Variants in DNM1 observed in about 807,000 individuals in gnomAD.
The protein encoded by DNM1 is dynamin-1.
Under a neutral mutation model 104.6 loss-of-function variants are expected in DNM1, and 29 were observed. The ratio of observed to expected loss-of-function variants is 0.28; its 90% CI spans 0.21 to 0.38. The LOEUF is 0.38. DNM1 is among the 10% of genes least tolerant of loss of function. DNM1 has a pLI of 1.00. For synonymous variants in DNM1, 445 were observed against 475.8 expected, an observed-to-expected ratio of 0.94 and a Z score of 0.84; for missense variants, 640 against 1,189.4, an observed-to-expected ratio of 0.54 and a Z score of 6.79.
chr9:128,226,483 T>C (rs1835349898), intron 10 of DNM1, among the ~76,000 whole-genome samples: 1 of 152,248 alleles, frequency 6.6e-6, no homozygotes, highest in Non-Finnish European at 1.5e-5. Flanking sequence ...TGCTTGCCCT[T>C]ACTATCTGAC....
chr9:128,207,630 A>C (rs1364721646), intron 1 of DNM1, among the ~76,000 whole-genome samples: 1 of 152,146 alleles, frequency 6.6e-6, no homozygotes, highest in Non-Finnish European at 1.5e-5. Context: ...CAACTCTGCC[A>C]CTTACAAGCA....
rs1400639734 is a variant in DNM1, at chr9:128,247,975, A to G, written c.1905+40A>G. ...CTCTTGCCTCCTGCCAGGCATCTGC[A>G]GCCTGGCACCAGCTCCAGCCAGGTT... On this transcript the variant is annotated intron_variant, in intron 18 of 21. Coordinates refer to ENST00000372923, the MANE Select transcript of DNM1 (RefSeq NM_004408.4). This position sits in a 1 kb window ranked among gnomAD's most constrained non-coding sequence, Gnocchi z 5.1. 2 of 1,613,082 alleles carry G rather than the reference A, an allele frequency of 1.2e-6. No individual in the cohort carries two copies. The highest frequency in any genetic ancestry group is 4.5e-5 in the East Asian group (2 of 44,882).
chr9:128,205,766 C>CA (rs895438368), intron 1 of DNM1, among the ~76,000 whole-genome samples: 9 of 152,188 alleles, frequency 5.9e-5, no homozygotes, highest in Admixed American at 1.3e-4. Context: ...CCTGCATGCC[C>CA]AGCCCCTGCC....
rs1829690937 is a variant in DNM1, at chr9:128,253,955, G to A, written c.2535-699G>A. On this transcript the variant is annotated intron_variant, in intron 21 of 21. Coordinates refer to ENST00000372923, the MANE Select transcript of DNM1 (RefSeq NM_004408.4). This position sits in a 1 kb window ranked among gnomAD's most constrained non-coding sequence, Gnocchi z 5.9. ...GGCCCAGCTGAGCTCCGCCCAGTGA[G>A]CCCACCCCCCATTCTCCTGCCACTG... 2 of 1,233,420 alleles carry A rather than the reference G, an allele frequency of 1.6e-6. No homozygotes were observed. The highest frequency in any genetic ancestry group is 3.2e-5 in the East Asian group (1 of 31,700). The allele number at this position is 1,233,420 out of a possible 1,614,324, so 76.4% of individuals were successfully genotyped here.
intron 1 of DNM1, among the ~76,000 whole-genome samples, chr9:128,212,728 C>G (rs1834374152): frequency 6.6e-6 from 1 of 152,180 alleles, no homozygotes; most frequent in Admixed American, 6.5e-5. Context: ...CACAGCCATG[C>G]AAGAATCGAT....
Position 128,226,167 on chromosome 9 carries a change from C to T in DNM1, c.1335+1778C>T, listed in dbSNP as rs565135651. The T allele has an allele frequency of 1.8e-5, 29 of 1,612,842 alleles. No homozygotes were observed. Among genetic ancestry groups the T allele is most frequent in the Middle Eastern group, 1.7e-4 (1 of 6,060 alleles). ...TCACAGCCACCATCAGAAAGTGTAGCGAAAAGGTATGACGGCCGCCTGGGC... is the reference window on the plus strand; with the variant it reads ...TCACAGCCACCATCAGAAAGTGTAGTGAAAAGGTATGACGGCCGCCTGGGC... On this transcript the variant is annotated intron_variant, in intron 10 of 21. Transcript: ENST00000372923.
chr9:128,213,950 G>A (rs1354947913), intron 1 of DNM1, among the ~76,000 whole-genome samples: 2 of 152,154 alleles, frequency 1.3e-5, no homozygotes, highest in Non-Finnish European at 2.9e-5. Context: ...CAGGAACAGA[G>A]AGCGACTTGT....
chr9:128,220,753 G>GTGTGTGTGTC lies in DNM1; in HGVS notation c.849+421_849+422insCTGTGTGTGT, dbSNP rs1419440003. On this transcript the variant is annotated intron_variant, in intron 6 of 21. Transcript: ENST00000372923. This position sits in a 1 kb window ranked among gnomAD's most constrained non-coding sequence, Gnocchi z 5.2. ...TGCGCGCGCGCGCGCGTGTGTGTGT[G>GTGTGTGTGTC]TGTGTGTGTGTGTGTCTGTCTGACT... Among the ~76,000 whole-genome samples the GTGTGTGTGTC allele has an allele frequency of 6.6e-6, 1 of 151,584 alleles. No individual in the cohort carries two copies. The highest frequency in any genetic ancestry group is 6.6e-5 in the Admixed American group (1 of 15,220).
At chr9:128,250,451 G>A in intron 20 of DNM1, 95 bp downstream of exon 20, 2 of 1,344,688 alleles carry the variant, frequency 1.5e-6, no homozygotes, top group Non-Finnish European at 2.0e-6. Context: ...GCGTCACCGG[G>A]GTGGCTCCCA....
At chr9:128,249,897 C>T (rs943871288) in intron 19 of DNM1, among the ~76,000 whole-genome samples, 3 of 152,142 alleles carry the variant, frequency 2.0e-5, no homozygotes, top group African/African-American at 4.8e-5. Context: ...AGTCCCCTCC[C>T]GGTTCTGTGA....
Position 128,219,041 on chromosome 9 carries a change from C to T in DNM1, c.386-8C>T, listed in dbSNP as rs764950748. The stretch of plus-strand genomic sequence containing the variant: ...GCCTTGAGCCCGCCCTCTCGCCGCC[C>T]TGTCCAGTGCTGAACCTGACCCTGG... On this transcript the variant is annotated splice_polypyrimidine_tract_variant and splice_region_variant and intron_variant, in intron 3 of 21. Coordinates refer to ENST00000372923, the MANE Select transcript of DNM1 (RefSeq NM_004408.4). 9.3e-6 allele frequency: 15 copies of T among 1,613,648 alleles called. No individual in the cohort carries two copies. The highest frequency in any genetic ancestry group is 1.3e-5 in the Non-Finnish European group (15 of 1,179,990).
At position 128,240,339 on chromosome 9, in the gene DNM1, G is replaced by A. The variant is rs886593045; in HGVS notation, c.1557+343G>A. 3 of 321,936 alleles carry A rather than the reference G, an allele frequency of 9.3e-6. No homozygotes were observed. The highest frequency in any genetic ancestry group is 4.7e-5 in the Admixed American group (1 of 21,334). The allele number at this position is 321,936 out of a possible 1,614,324, so 19.9% of individuals were successfully genotyped here. A position where few individuals can be genotyped will look rare whatever the true frequency, so the allele number is the denominator to read the frequency against. ...CATTTTTAAGAAGCTGACAGCCATC[G>A]CCTCCGGACTTGAATGAAGAGACGA... On this transcript the variant is annotated intron_variant, in intron 14 of 21. Transcript: ENST00000372923. The surrounding 1 kb of genome is among the most constrained non-coding windows in gnomAD (Gnocchi z 5.1).
intron 9 of DNM1, 179 bp downstream of exon 9, chr9:128,223,039 C>T (rs541807831): frequency 4.3e-5 from 27 of 632,770 alleles, no homozygotes; most frequent in African/African-American, 2.6e-4. Context: ...GAGGTGGACC[C>T]GGGCCACCCC....
chr9:128,244,637 G>A (rs1461574259), intron 15 of DNM1: 12 of 382,012 alleles, frequency 3.1e-5, no homozygotes, highest in East Asian at 1.5e-4. Context: ...CTCCCAGCCC[G>A]CCCTGTGCCC....
intron 1 of DNM1, among the ~76,000 whole-genome samples, chr9:128,216,680 G>T (rs1187688790): frequency 1.3e-5 from 2 of 152,196 alleles, no homozygotes; most frequent in East Asian, 1.9e-4. Context: ...TCAAGAGGGG[G>T]CTTTGAACCT....
intron 1 of DNM1, among the ~76,000 whole-genome samples, chr9:128,214,572 G>T (rs1209407378): frequency 1.3e-5 from 2 of 152,184 alleles, no homozygotes; most frequent in Non-Finnish European, 2.9e-5. Flanking sequence ...AGGGGTAGGG[G>T]TCACATCAGC....
At position 128,224,154 on chromosome 9, in the gene DNM1, A is replaced by C; in HGVS notation, c.1197-97A>C. On this transcript the variant is annotated intron_variant, in intron 9 of 21. Transcript: ENST00000372923. This position sits in a 1 kb window ranked among gnomAD's most constrained non-coding sequence, Gnocchi z 4.3. ...GAGAGGGGTAGTGGAAGGGCCCCTC[A>C]GGCAGAGTTCGTGGGCTTGGGGAGG... The C allele has an allele frequency of 6.8e-7, 1 of 1,480,690 alleles. No individual in the cohort carries two copies. The highest frequency in any genetic ancestry group is 1.4e-5 in the African/African-American group (1 of 71,726). The allele number at this position is 1,480,690 out of a possible 1,614,324, so 91.7% of individuals were successfully genotyped here.
At chr9:128,213,382 A>G (rs948617578) in intron 1 of DNM1, among the ~76,000 whole-genome samples, 1 of 150,094 alleles carries the variant, frequency 6.7e-6, no homozygotes, top group African/African-American at 2.5e-5. Context: ...GCACCTTGTC[A>G]TTTTCTGAAT....
rs1421783222 is a variant in DNM1 at position 128,247,874 on chromosome 9, T to C, written c.1894-50T>C. On this transcript the variant is annotated intron_variant, in intron 17 of 21. Transcript: ENST00000372923. This position sits in a 1 kb window ranked among gnomAD's most constrained non-coding sequence, Gnocchi z 5.1. ...TTCCTCTCTGTGTTTCCTTCGGCTG[T>C]GCTCCCTGGTGGTGGCGGCGGTGGC... 2 of 1,608,228 alleles carry C rather than the reference T, an allele frequency of 1.2e-6. No homozygotes were observed. Among genetic ancestry groups the C allele is most frequent in the South Asian group, 1.1e-5 (1 of 90,660 alleles).
Sources: allele counts gnomAD v4.1 joint callset (sites outside exome capture counted in the v4.1 genomes callset), GRCh38; gene constraint gnomAD v4.1.1; non-coding constraint Gnocchi (gnomAD v3.1); transcripts MANE v1.5; gene names NCBI Gene and HGNC (gene_info 2026-07-23, HGNC 2026-07-21).